Variants in OSBPL5 observed in about 807,000 individuals in gnomAD.
OSBPL5 encodes oxysterol-binding protein-related protein 5.
A neutral mutation model predicts 111.2 loss-of-function variants in OSBPL5; 71 were observed. The ratio of observed to expected loss-of-function variants is 0.64; its 90% CI spans 0.53 to 0.78. The LOEUF (loss-of-function observed/expected upper bound fraction) is 0.78. Ranked by LOEUF, OSBPL5 falls within the 30% of genes least tolerant of loss-of-function variation. The pLI is 0.00. For synonymous variants in OSBPL5, 549 were observed against 513.9 expected (o/e 1.07, Z -0.93); for missense variants, 1,210 against 1,189.3 (o/e 1.02, Z -0.26).
At chr11:3,088,374 T>G (rs1457102547) in intron 21 of OSBPL5, 31 bp from the exon 22 acceptor site, 1 of 1,493,832 alleles carries the variant, frequency 6.7e-7, no homozygotes, top group South Asian at 1.3e-5. Context: ...TCGTGGGGGC[T>G]GTGCCAATGC....
intron 1 of OSBPL5, among the ~76,000 whole-genome samples, chr11:3,150,739 T>C (rs1001700966): frequency 2.6e-5 from 4 of 152,194 alleles, no homozygotes; most frequent in Non-Finnish European, 5.9e-5. Flanking sequence ...TCCTGGTTTC[T>C]TGGAAAGCCT....
intron 7 of OSBPL5, among the ~76,000 whole-genome samples, chr11:3,118,420 A>G (rs1473060105): frequency 6.6e-6 from 1 of 152,138 alleles, no homozygotes; most frequent in Non-Finnish European, 1.5e-5. Context: ...TCCAGACCGA[A>G]CCAATGTTCA....
At chr11:3,119,970 A>G (rs1205394202) in intron 6 of OSBPL5, 3 of 419,790 alleles carry the variant, frequency 7.1e-6, no homozygotes, top group Non-Finnish European at 8.6e-6. Flanking sequence ...TTTTGGTGTA[A>G]GTATTTCCCA....
chr11:3,096,966 A>AAAGGGG, intron 14 of OSBPL5, among the ~76,000 whole-genome samples: 1 of 133,682 alleles, frequency 7.5e-6, no homozygotes, highest in African/African-American at 2.8e-5. Context: ...GGAGGAGAAG[A>AAAGGGG]GGAAAGAGGG....
chr11:3,099,085 T>C (rs1857372233), intron 14 of OSBPL5, among the ~76,000 whole-genome samples: 1 of 152,230 alleles, frequency 6.6e-6, no homozygotes, highest in African/African-American at 2.4e-5. Flanking sequence ...TTTATAGGCA[T>C]GAGCCATCAT....
At position 3,140,082 on chromosome 11, in the gene OSBPL5, G is replaced by A. The variant is rs1391714471; in HGVS notation, c.-21-10913C>T. Among the ~76,000 whole-genome samples, 1 of 152,214 alleles carries A rather than the reference G, an allele frequency of 6.6e-6. No individual in the cohort carries two copies. Among genetic ancestry groups the A allele is most frequent in the South Asian group, 2.1e-4 (1 of 4,834 alleles). On this transcript the variant is annotated intron_variant, in intron 1 of 21. Coordinates refer to ENST00000263650, the MANE Select transcript of OSBPL5 (RefSeq NM_020896.4). The surrounding 1 kb of genome is among the most constrained non-coding windows in gnomAD (Gnocchi z 4.5). ...CTGGGAGGGGGGTGTGCAGTGGTCC[G>A]CCAAGCAGCACCTCTGCCAAGGAGC...
chr11:3,092,471 G>C lies in OSBPL5; in HGVS notation c.2220C>G (p.Arg740=). ...CTGGGCTGCCCAGGAAGGTGGTCTGGCGGGCCACGGCCTCCTGCTGCAAGG... is the reference window on the plus strand; with the variant it reads ...CTGGGCTGCCCAGGAAGGTGGTCTGCCGGGCCACGGCCTCCTGCTGCAAGG... ...LRTLQQEAVA[R]QTTFLGSPGP... Residue 740 remains arginine, a synonymous_variant, in exon 19 of 22, where the codon CGC becomes CGG. Coordinates refer to ENST00000263650, the MANE Select transcript of OSBPL5 (RefSeq NM_020896.4). The surrounding 1 kb of genome is among the most constrained non-coding windows in gnomAD (Gnocchi z 5.4). 6.3e-7 allele frequency: 1 copy of C among 1,574,858 alleles called. No individual in the cohort carries two copies. The highest frequency in any genetic ancestry group is 8.6e-7 in the Non-Finnish European group (1 of 1,160,680).
At chr11:3,137,920 T>G (rs1352116771) in intron 1 of OSBPL5, among the ~76,000 whole-genome samples, 1 of 152,226 alleles carries the variant, frequency 6.6e-6, no homozygotes, top group African/African-American at 2.4e-5. Context: ...AAATCCCCTT[T>G]GCACTTTGGA....
intron 1 of OSBPL5, among the ~76,000 whole-genome samples, chr11:3,155,399 C>T (rs551326444): frequency 2.7e-4 from 41 of 152,206 alleles, no homozygotes; most frequent in Admixed American, 5.2e-4. Flanking sequence ...TGATCCCAAG[C>T]ACCGAGGGGG....
intron 1 of OSBPL5, among the ~76,000 whole-genome samples, chr11:3,152,482 G>A (rs181788507): frequency 6.6e-6 from 1 of 152,244 alleles, no homozygotes; most frequent in East Asian, 1.9e-4. Context: ...ACAGGAGAAG[G>A]CTCCTGTGTT....
Position 3,107,025 on chromosome 11 carries a change from C to G in OSBPL5, c.1059+238G>C, listed in dbSNP as rs74537819. Reference sequence around the variant, plus strand: ...TGCCTGTCTGCAGCAAACCCCTGCCCGATCCCCGCATCTGCATGCCAGCCA... The same window carrying G: ...TGCCTGTCTGCAGCAAACCCCTGCCGGATCCCCGCATCTGCATGCCAGCCA... On this transcript the variant is annotated intron_variant, in intron 9 of 21. Transcript: ENST00000263650. The surrounding 1 kb of genome is among the most constrained non-coding windows in gnomAD (Gnocchi z 6.1). Among the ~76,000 whole-genome samples, 1 of 151,958 alleles carries G rather than the reference C, an allele frequency of 6.6e-6. No individual in the cohort carries two copies. The highest frequency in any genetic ancestry group is 1.5e-5 in the Non-Finnish European group (1 of 67,962).
rs1262499393 is a variant in OSBPL5, at chr11:3,140,255, G to A, written c.-21-11086C>T. ...CAGGCTGCTGAGTTCAGCTCTGGAA[G>A]GGGCAGCCCACAGCAATGCTCTCTG... On this transcript the variant is annotated intron_variant, in intron 1 of 21. Transcript: ENST00000263650. The surrounding 1 kb of genome is among the most constrained non-coding windows in gnomAD (Gnocchi z 4.5). Among the ~76,000 whole-genome samples the A allele has an allele frequency of 6.6e-6, 1 of 152,206 alleles. No homozygotes were observed. Among genetic ancestry groups the A allele is most frequent in the Non-Finnish European group, 1.5e-5 (1 of 68,028 alleles).
In OSBPL5 at chr11:3,130,867, T is replaced by C. The variant is rs2134480331; in HGVS notation, c.-21-1698A>G. 6.6e-6 allele frequency among the ~76,000 whole-genome samples: 1 copy of C among 152,096 alleles called. No individual in the cohort carries two copies. The highest frequency in any genetic ancestry group is 1.5e-5 in the Non-Finnish European group (1 of 67,986). The stretch of plus-strand genomic sequence containing the variant: ...CACGTCCTACTTGCCCAGGTGCAGC[T>C]CAGGATGGGAACCAGCAGCTGAGCG... On this transcript the variant is annotated intron_variant, in intron 1 of 21. Coordinates refer to ENST00000263650, the MANE Select transcript of OSBPL5 (RefSeq NM_020896.4). The surrounding 1 kb of genome is among the most constrained non-coding windows in gnomAD (Gnocchi z 4.5).
chr11:3,132,250 C>G (rs1304950662), intron 1 of OSBPL5, among the ~76,000 whole-genome samples: 1 of 152,086 alleles, frequency 6.6e-6, no homozygotes, highest in Non-Finnish European at 1.5e-5. Context: ...GACTATCACT[C>G]TGTGTGCCAA....
At position 3,140,626 on chromosome 11, in the gene OSBPL5, C is replaced by T. The variant is rs1316030123; in HGVS notation, c.-21-11457G>A. On this transcript the variant is annotated intron_variant, in intron 1 of 21. Transcript: ENST00000263650. This position sits in a 1 kb window ranked among gnomAD's most constrained non-coding sequence, Gnocchi z 4.5. ...AAGTACATGCTGCCCCACCAGTGGA[C>T]AGGCATCGTCGTCCCGGCTCCCCTC... 1.3e-5 allele frequency among the ~76,000 whole-genome samples: 2 copies of T among 152,198 alleles called. No individual in the cohort carries two copies. Among genetic ancestry groups the T allele is most frequent in the African/African-American group, 4.8e-5 (2 of 41,446 alleles).
Position 3,161,658 on chromosome 11 carries a change from A to G in OSBPL5, c.-22+3558T>C, listed in dbSNP as rs183975861. ...CACCCACCAGGGACAGATGCCACGCACCAGCGGCGCCCACCATGAACCTGG... is the reference window on the plus strand; with the variant it reads ...CACCCACCAGGGACAGATGCCACGCGCCAGCGGCGCCCACCATGAACCTGG... On this transcript the variant is annotated intron_variant, in intron 1 of 21. Transcript: ENST00000263650. This position sits in a 1 kb window ranked among gnomAD's most constrained non-coding sequence, Gnocchi z 8.0. 7.9e-4 allele frequency among the ~76,000 whole-genome samples: 120 copies of G among 151,856 alleles called. 4 individuals are homozygous for G. In the East Asian group the frequency reaches 0.021, roughly 27 times the overall value.
chr11:3,094,679 T>G, intron 14 of OSBPL5: 1 of 251,714 alleles, frequency 4.0e-6, no homozygotes, highest in Non-Finnish European at 7.9e-6. Flanking sequence ...TGTTCCAGCC[T>G]CCTGGGAGGC....
intron 11 of OSBPL5, 27 bp from the exon 12 acceptor site, chr11:3,102,308 G>A: frequency 6.4e-7 from 1 of 1,568,778 alleles, no homozygotes; most frequent in Non-Finnish European, 8.7e-7. Context: ...CTTGTGTGAG[G>A]AGCCAGGTGG....
chr11:3,126,626 T>C lies in OSBPL5; in HGVS notation c.137-71A>G. On this transcript the variant is annotated intron_variant, in intron 2 of 21. Coordinates refer to ENST00000263650, the MANE Select transcript of OSBPL5 (RefSeq NM_020896.4). This position sits in a 1 kb window ranked among gnomAD's most constrained non-coding sequence, Gnocchi z 6.5. ...CCAGGCTTCTCAGGCCGCTGCCTGG[T>C]GTGAGGCAGGCGAAGCGTGGGTGCG... 1 of 1,369,548 alleles carries C rather than the reference T, an allele frequency of 7.3e-7. No homozygotes were observed. Among genetic ancestry groups the C allele is most frequent in the Admixed American group, 2.1e-5 (1 of 46,748 alleles). 84.8% of individuals were successfully genotyped at this position (1,369,548 alleles called of 1,614,324 possible).
Sources: gnomAD v4.1 joint callset for allele counts (sites outside exome capture counted in the v4.1 genomes callset) on GRCh38, gnomAD v4.1.1 for gene constraint, Gnocchi (gnomAD v3.1) non-coding constraint, MANE v1.5 for transcripts, NCBI Gene and HGNC (gene_info 2026-07-23, HGNC 2026-07-21) for gene names.